ZNF287: variants seen among roughly 807,000 people sequenced by gnomAD.
ZNF287 encodes zinc finger protein with KRAB and SCAN domains 13.
A neutral mutation model predicts 73.7 loss-of-function variants in ZNF287; 31 were observed. The ratio of observed to expected loss-of-function variants is 0.42; its 90% CI spans 0.32 to 0.57. The LOEUF (loss-of-function observed/expected upper bound fraction) is 0.57, where lower values mean the gene tolerates loss of function less well. Ranked by LOEUF, ZNF287 falls within the 20% of genes least tolerant of loss-of-function variation. ZNF287 has a pLI of 0.13. For synonymous variants in ZNF287, 301 were observed against 307.2 expected (o/e 0.98, Z 0.21); for missense variants, 641 against 909.3 (o/e 0.70, Z 3.79).
intron 3 of ZNF287, among the ~76,000 whole-genome samples, chr17:16,566,015 A>G (rs1907722328): frequency 6.6e-6 from 1 of 152,172 alleles, no homozygotes; most frequent in Non-Finnish European, 1.5e-5. Flanking sequence ...CATGACCAAC[A>G]GTAATATGAC....
intron 5 of ZNF287, among the ~76,000 whole-genome samples, chr17:16,560,308 G>GTATATATATATATA (rs1491315982): frequency 1.5e-5 from 2 of 137,314 alleles, no homozygotes; most frequent in African/African-American, 2.7e-5. Context: ...GTCAACAGTG[G>GTATATATATATATA]TGTATATATA....
chr17:16,562,943 G>A (rs1017326344), intron 5 of ZNF287, among the ~76,000 whole-genome samples: 11 of 152,288 alleles, frequency 7.2e-5, no homozygotes, highest in African/African-American at 2.4e-4. Flanking sequence ...GAAGAGACAC[G>A]GGAAAAGTGT....
At chr17:16,560,752 C>A (rs1195743551) in intron 5 of ZNF287, among the ~76,000 whole-genome samples, 2 of 149,988 alleles carry the variant, frequency 1.3e-5, no homozygotes, top group Non-Finnish European at 3.0e-5. Flanking sequence ...ACCTGTAATC[C>A]CAGCACTTTG....
intron 5 of ZNF287, among the ~76,000 whole-genome samples, chr17:16,553,886 G>A (rs16959828): frequency 0.11 from 16,459 of 152,094 alleles, 1,960 homozygotes; most frequent in African/African-American, 0.3. Context: ...AATCTCCCAT[G>A]GCCTAAAACA....
At position 16,567,760 on chromosome 17, in the gene ZNF287, A is replaced by G. The variant is rs368260087; in HGVS notation, c.-29T>C. ...TACAGACAGGAGAGTCAATCTGGCA[A>G]TATCCTTTATTTCTCCAGTAGTGAG... On this transcript the variant is annotated 5_prime_UTR_variant, in exon 2 of 6. Transcript: ENST00000395825. The G allele has an allele frequency of 1.6e-4, 249 of 1,576,168 alleles. 3 individuals are homozygous for G. The African/African-American group carries it at 3.1e-3, about 19-fold the overall frequency.
In ZNF287 at chr17:16,553,074, A is replaced by C; in HGVS notation, c.1068T>G (p.Ile356Met). ...RATFNHVSYG[I>M]VHRKILPGEK... is the part of the protein sequence containing the mutation. Reference sequence around the variant, plus strand: ...CTCCAGGAAGTATTTTCCTATGTACAATACCATATGAGACATGATTGAAGG... The same window carrying C: ...CTCCAGGAAGTATTTTCCTATGTACCATACCATATGAGACATGATTGAAGG... The change falls in exon 6 of 6, where the codon ATT becomes ATG. Residue 356 changes from isoleucine (I) to methionine (M), a missense_variant. Ile to Met is a conservative substitution (Grantham distance 10). Transcript: ENST00000395825. 1.2e-6 allele frequency: 2 copies of C among 1,614,226 alleles called. No individual in the cohort carries two copies. The highest frequency in any genetic ancestry group is 1.7e-6 in the Non-Finnish European group (2 of 1,180,032).
intron 5 of ZNF287, among the ~76,000 whole-genome samples, 195 bp downstream of exon 5, chr17:16,562,951 T>A (rs1390768472): frequency 6.6e-6 from 1 of 152,244 alleles, no homozygotes; most frequent in South Asian, 2.1e-4. Context: ...ACGGGAAAAG[T>A]GTGTTAACAG....
intron 1 of ZNF287, chr17:16,568,556 G>C (rs749839583): frequency 5.9e-5 from 9 of 152,210 alleles, no homozygotes; most frequent in African/African-American, 2.2e-4. Context: ...CAGGATTCTC[G>C]AAGGAAACCT....
Position 16,563,076 on chromosome 17 carries a change from T to C in ZNF287, c.715+70A>G. 4 of 1,242,136 alleles carry C rather than the reference T, an allele frequency of 3.2e-6. No homozygotes were observed. The South Asian group carries it at 5.1e-5, about 16-fold the overall frequency. The allele number at this position is 1,242,136 out of a possible 1,614,324, so 76.9% of individuals were successfully genotyped here. On this transcript the variant is annotated intron_variant, in intron 5 of 5. Coordinates refer to ENST00000395825, the MANE Select transcript of ZNF287 (RefSeq NM_020653.4). ...AAAAGTGACCTGGTCATATTTAAAA[T>C]GCATTTCTCACCACATTTAGGATAT...
rs1470420648 is a variant in ZNF287, at chr17:16,566,611, A to G, written c.415T>C (p.Ser139Pro). ...TCTGGGGTATCTTGGGAAAGGGTAGAGTTTTGAGGAGCTAGAGAAGAGAAA... is the reference window on the plus strand; with the variant it reads ...TCTGGGGTATCTTGGGAAAGGGTAGGGTTTTGAGGAGCTAGAGAAGAGAAA... ...QILEEEAPQN[S>P]TLSQDTPEED... The change falls in exon 3 of 6, where the codon TCT (serine) becomes CCT (proline). Residue 139 changes from serine (S) to proline (P), a missense_variant. Ser to Pro is a moderately conservative substitution (Grantham distance 74). Coordinates refer to ENST00000395825, the MANE Select transcript of ZNF287 (RefSeq NM_020653.4). 9.3e-6 allele frequency: 15 copies of G among 1,611,960 alleles called. No homozygotes were observed. Among genetic ancestry groups the G allele is most frequent in the Non-Finnish European group, 1.3e-5 (15 of 1,179,098 alleles).
At chr17:16,563,002 A>G (rs1907536708) in intron 5 of ZNF287, 144 bp downstream of exon 5, 1 of 614,368 alleles carries the variant, frequency 1.6e-6, no homozygotes, top group East Asian at 2.8e-5. Context: ...TCTGTAAGGA[A>G]GCAATGCCAA....
intron 4 of ZNF287, 111 bp downstream of exon 4, chr17:16,563,588 T>G: frequency 2.3e-5 from 29 of 1,259,352 alleles, no homozygotes; most frequent in Middle Eastern, 2.0e-4. Context: ...CGTGCTTGAA[T>G]GAGATAAGAA....
rs913158332 is a variant in ZNF287 at position 16,551,007 on chromosome 17, T to C, written c.*849A>G. 6.6e-6 allele frequency among the ~76,000 whole-genome samples: 1 copy of C among 152,008 alleles called. No individual in the cohort carries two copies. On this transcript the variant is annotated 3_prime_UTR_variant, in exon 6 of 6. Transcript: ENST00000395825. ...AATGTTATATACACATTAGTTTCTATCATAACATATCTTTCATTAAGCTTC... is the reference window on the plus strand; with the variant it reads ...AATGTTATATACACATTAGTTTCTACCATAACATATCTTTCATTAAGCTTC...
rs1350265338 is a variant in ZNF287, at chr17:16,549,684, G to A, written c.*2172C>T. ...TTCCTTCAGTACCTGTTTGTAGGATGGTTTTATAAACAGTAATGTCCAAAG... is the reference window on the plus strand; with the variant it reads ...TTCCTTCAGTACCTGTTTGTAGGATAGTTTTATAAACAGTAATGTCCAAAG... On this transcript the variant is annotated 3_prime_UTR_variant, in exon 6 of 6. Transcript: ENST00000395825. Among the ~76,000 whole-genome samples the A allele has an allele frequency of 6.6e-6, 1 of 152,072 alleles. No individual in the cohort carries two copies. Among genetic ancestry groups the A allele is most frequent in the Admixed American group, 6.6e-5 (1 of 15,264 alleles).
intron 5 of ZNF287, among the ~76,000 whole-genome samples, chr17:16,554,231 CTG>C (rs1221609335): frequency 4.9e-5 from 7 of 142,710 alleles, no homozygotes; most frequent in Non-Finnish European, 9.0e-5. Context: ...GAGACAGACT[CTG>C]TGCCATCTTG....
chr17:16,552,475 C>A lies in ZNF287; in HGVS notation c.1667G>T (p.Arg556Ile), dbSNP rs1363385943. 5.0e-6 allele frequency: 8 copies of A among 1,614,026 alleles called. No individual in the cohort carries two copies. Among genetic ancestry groups the A allele is most frequent in the South Asian group, 3.3e-5 (3 of 91,076 alleles). The change falls in exon 6 of 6, where the codon AGA becomes ATA. Residue 556 changes from arginine to isoleucine, a missense_variant. Coordinates refer to ENST00000395825, the MANE Select transcript of ZNF287 (RefSeq NM_020653.4). This position sits in a 1 kb window ranked among gnomAD's most constrained non-coding sequence, Gnocchi z 6.5. ...SQSTYLIRHQ[R>I]IHSGEKCYKC... ...ATAACACTTCTCTCCAGAATGAATT[C>A]TCTGATGTCGAATAAGGTAAGTACT...
intron 5 of ZNF287, among the ~76,000 whole-genome samples, chr17:16,561,151 TA>T (rs1024722317): frequency 3.3e-5 from 5 of 151,908 alleles, no homozygotes; most frequent in African/African-American, 9.7e-5. Context: ...CCGTCTCTAC[TA>T]AAAATACAAA....
At position 16,550,911 on chromosome 17, in the gene ZNF287, A is replaced by C. The variant is rs754699528; in HGVS notation, c.*945T>G. ...TCAAAACCTAGTGAAATCAAGGCTA[A>C]TGTGTATTGAAAATTCATTTAAGCT... On this transcript the variant is annotated 3_prime_UTR_variant, in exon 6 of 6. Transcript: ENST00000395825. 5.0e-4 allele frequency among the ~76,000 whole-genome samples: 76 copies of C among 152,214 alleles called. No individual in the cohort carries two copies. Among genetic ancestry groups the C allele is most frequent in the Admixed American group, 4.3e-3 (65 of 15,280 alleles).
Position 16,552,385 on chromosome 17 carries a change from T to G in ZNF287, c.1757A>C (p.His586Pro), listed in dbSNP as rs1906734813. The change falls in exon 6 of 6, where the codon CAC (histidine) becomes CCC (proline). Residue 586 changes from histidine (H) to proline (P), a missense_variant. Transcript: ENST00000395825. The surrounding 1 kb of genome is among the most constrained non-coding windows in gnomAD (Gnocchi z 6.5). ...ACATATATAGGATTTCTCTCCAGTG[T>G]GAGTGGTTTGATGTTGAATAAGGGT... Reference protein sequence around the residue: ...SSTLIQHQTTHTGEKSYICNI... With the variant: ...SSTLIQHQTTPTGEKSYICNI... The G allele has an allele frequency of 6.2e-7, 1 of 1,613,936 alleles. No homozygotes were observed. Among genetic ancestry groups the G allele is most frequent in the Admixed American group, 1.7e-5 (1 of 60,000 alleles).
Sources: allele counts gnomAD v4.1 joint callset (sites outside exome capture counted in the v4.1 genomes callset), GRCh38; gene constraint gnomAD v4.1.1; non-coding constraint Gnocchi (gnomAD v3.1); transcripts MANE v1.5; gene names NCBI Gene and HGNC (gene_info 2026-07-23, HGNC 2026-07-21).